The following HOXA2 variants were observed in gnomAD, a reference collection of about 807,000 sequenced individuals.
HOXA2 encodes the protein homeobox protein Hox-A2.
In HOXA2, 4 loss-of-function variants were observed where a neutral mutation model predicts 27.2. The ratio of observed to expected loss-of-function variants is 0.15; its 90% CI spans 0.07 to 0.34. HOXA2 has a LOEUF of 0.34. HOXA2 is among the 10% of genes least tolerant of loss of function. HOXA2 has a pLI of 1.00. For missense variants in HOXA2, 430 were observed against 473.2 expected (o/e 0.91, Z 0.85); for synonymous variants, 200 against 202.8 (o/e 0.99, Z 0.12).
Position 27,100,679 on chromosome 7 carries a change from G to A in HOXA2, c.*47C>T. ...AAATAAAAGAAGGCAAAACCACCTGGTCAAAGGAGTTTTTGTTTGGTGATG... is the reference window on the plus strand; with the variant it reads ...AAATAAAAGAAGGCAAAACCACCTGATCAAAGGAGTTTTTGTTTGGTGATG... On this transcript the variant is annotated 3_prime_UTR_variant, in exon 2 of 2. Transcript: ENST00000222718. 6.2e-7 allele frequency: 1 copy of A among 1,608,130 alleles called. No homozygotes were observed. The highest frequency in any genetic ancestry group is 8.5e-7 in the Non-Finnish European group (1 of 1,175,278).
chr7:27,100,652 C>A lies in HOXA2; in HGVS notation c.*74G>T. 2 of 1,530,208 alleles carry A rather than the reference C, an allele frequency of 1.3e-6. No homozygotes were observed. Among genetic ancestry groups the A allele is most frequent in the Non-Finnish European group, 9.0e-7 (1 of 1,108,836 alleles). 94.8% of individuals were successfully genotyped at this position (1,530,208 alleles called of 1,614,324 possible). A position where few individuals can be genotyped will look rare whatever the true frequency, so the allele number is the denominator to read the frequency against. ...CAAGAAGAAAATAAAAAATAAACTC[C>A]CAAATAAAAGAAGGCAAAACCACCT... On this transcript the variant is annotated 3_prime_UTR_variant, in exon 2 of 2. Coordinates refer to ENST00000222718, the MANE Select transcript of HOXA2 (RefSeq NM_006735.4).
In HOXA2 at chr7:27,102,308, G is replaced by T; in HGVS notation, c.193C>A (p.Pro65Thr). 1.9e-6 allele frequency: 3 copies of T among 1,612,272 alleles called. No individual in the cohort carries two copies. Among genetic ancestry groups the T allele is most frequent in the Non-Finnish European group, 2.5e-6 (3 of 1,179,066 alleles). ...GGGCGGCCGCCAGCGCCGTGGCGAG[G>T]GTGACTGCCGGGGTTCAGGCTGGGA... Reference protein sequence around the residue: ...TIPSLNPGSHPRHGAGGRPKP... With the variant: ...TIPSLNPGSHTRHGAGGRPKP... Residue 65 changes from proline (P) to threonine (T), a missense_variant, in exon 1 of 2, where the codon CCT (proline) becomes ACT (threonine). By Grantham distance (38) the Pro-to-Thr change is conservative (BLOSUM62 -1). This residue lies in a region of HOXA2 where 166 missense variants were observed against 207.6 expected (regional missense o/e 0.80). Coordinates refer to ENST00000222718, the MANE Select transcript of HOXA2 (RefSeq NM_006735.4). The surrounding 1 kb of genome is among the most constrained non-coding windows in gnomAD (Gnocchi z 4.6).
At chr7:27,101,586 C>T in intron 1 of HOXA2, 121 bp from the exon 2 acceptor site, 1 of 1,151,028 alleles carries the variant, frequency 8.7e-7, no homozygotes, top group Admixed American at 1.9e-5. Flanking sequence ...AATGGCCGCC[C>T]CTGGATGCAG....
At chr7:27,101,715 A>G (rs1783929051) in intron 1 of HOXA2, 2 of 656,426 alleles carry the variant, frequency 3.0e-6, no homozygotes, top group Non-Finnish European at 5.5e-6. Context: ...CAAACTTTAT[A>G]TTAGCCACAA....
chr7:27,101,680 TC>T, intron 1 of HOXA2: 1 of 668,264 alleles, frequency 1.5e-6, no homozygotes, highest in Non-Finnish European at 2.7e-6. Context: ...TGCCTGTGGC[TC>T]CCCCCAACCT....
At position 27,102,071 on chromosome 7, in the gene HOXA2, G is replaced by T; in HGVS notation, c.391+39C>A. 1 of 1,603,856 alleles carries T rather than the reference G, an allele frequency of 6.2e-7. No individual in the cohort carries two copies. ...CTCTCGGGGCAGCCCGGAGAAGGAAGAGGGTCCCAGAGACCTGGGGCCAAG... is the reference window on the plus strand; with the variant it reads ...CTCTCGGGGCAGCCCGGAGAAGGAATAGGGTCCCAGAGACCTGGGGCCAAG... On this transcript the variant is annotated intron_variant, in intron 1 of 1. Transcript: ENST00000222718. The surrounding 1 kb of genome is among the most constrained non-coding windows in gnomAD (Gnocchi z 4.6).
chr7:27,102,287 G>A lies in HOXA2; in HGVS notation c.214C>T (p.Arg72Cys). 1.3e-6 allele frequency: 2 copies of A among 1,597,474 alleles called. No individual in the cohort carries two copies. The highest frequency in any genetic ancestry group is 1.7e-5 in the Admixed American group (1 of 58,368). The change falls in exon 1 of 2, where the codon CGC (arginine) becomes TGC (cysteine). Residue 72 changes from arginine to cysteine, a missense_variant. Physicochemically the swap from Arg to Cys is radical, Grantham distance 180. Transcript: ENST00000222718. This position sits in a 1 kb window ranked among gnomAD's most constrained non-coding sequence, Gnocchi z 4.6. Reference sequence around the variant, plus strand: ...CTGCCCGCGGGGCTCGGCTTGGGGCGGCCGCCAGCGCCGTGGCGAGGGTGA... The same window carrying A: ...CTGCCCGCGGGGCTCGGCTTGGGGCAGCCGCCAGCGCCGTGGCGAGGGTGA... ...GSHPRHGAGG[R>C]PKPSPAGSRG...
rs116885108 is a variant in HOXA2, at chr7:27,101,167, C to G, written c.690G>C (p.Lys230Asn). ...SEKVEEDEEEKTLFEQALSVS... is the reference protein window; with the variant it reads ...SEKVEEDEEENTLFEQALSVS... ...CGCTAAGGGCTTGCTCAAAGAGCGT[C>G]TTCTCTTCCTCGTCCTCCTCTACTT... is the stretch of plus-strand genomic sequence containing the variant. Residue 230 changes from lysine (K) to asparagine (N), a missense_variant, in exon 2 of 2, where the codon AAG becomes AAC. Physicochemically the swap from Lys to Asn is moderately conservative, Grantham distance 94 (BLOSUM62 0). Transcript: ENST00000222718. The G allele has an allele frequency of 5.2e-5, 84 of 1,614,212 alleles. No homozygotes were observed. The highest frequency in any genetic ancestry group is 7.0e-5 in the Non-Finnish European group (83 of 1,180,028).
Position 27,100,689 on chromosome 7 carries a change from T to G in HOXA2, c.*37A>C. On this transcript the variant is annotated 3_prime_UTR_variant, in exon 2 of 2. Transcript: ENST00000222718. ...AGGCAAAACCACCTGGTCAAAGGAG[T>G]TTTTGTTTGGTGATGCTTTGTTTTG... 1 of 1,610,710 alleles carries G rather than the reference T, an allele frequency of 6.2e-7. No individual in the cohort carries two copies. Among genetic ancestry groups the G allele is most frequent in the Non-Finnish European group, 8.5e-7 (1 of 1,178,392 alleles).
chr7:27,102,361 A>G lies in HOXA2; in HGVS notation c.140T>C (p.Leu47Pro). Reference protein sequence around the residue: ...IKTSTLSHSTLIPPPFEQTIP... With the variant: ...IKTSTLSHSTPIPPPFEQTIP... ...GGTCTGCTCAAAAGGAGGAGGAATC[A>G]GTGTCGAGTGTGAAAGCGTCGAGGT... Residue 47 changes from leucine to proline, a missense_variant, in exon 1 of 2, where the codon CTG becomes CCG. By Grantham distance (98) the Leu-to-Pro change is moderately conservative (BLOSUM62 -3). Coordinates refer to ENST00000222718, the MANE Select transcript of HOXA2 (RefSeq NM_006735.4). The surrounding 1 kb of genome is among the most constrained non-coding windows in gnomAD (Gnocchi z 4.6). The G allele has an allele frequency of 6.2e-7, 1 of 1,613,998 alleles. No homozygotes were observed. Among genetic ancestry groups the G allele is most frequent in the Non-Finnish European group, 8.5e-7 (1 of 1,179,944 alleles).
Position 27,101,448 on chromosome 7 carries a change from C to G in HOXA2, c.409G>C (p.Asp137His), listed in dbSNP as rs1280449297. The G allele has an allele frequency of 1.2e-6, 2 of 1,600,300 alleles. No individual in the cohort carries two copies. The highest frequency in any genetic ancestry group is 1.7e-5 in the Admixed American group (1 of 60,008). ...CGCCGCGATCCCCCGCCGCTGCCAT[C>G]GGCGATTTCCAGGGATTCTGCGGAA... ...LSHKESLEIA[D>H]GSGGGSRRLR... The change falls in exon 2 of 2, where the codon GAT becomes CAT. Residue 137 changes from aspartate to histidine, a missense_variant. Coordinates refer to ENST00000222718, the MANE Select transcript of HOXA2 (RefSeq NM_006735.4).
chr7:27,101,296 C>A lies in HOXA2; in HGVS notation c.561G>T (p.Val187=). Residue 187 remains valine (V), a synonymous_variant, in exon 2 of 2, where the codon GTG becomes GTT. Transcript: ENST00000222718. ...AALLDLTERQ[V]KVWFQNRRMK... The stretch of plus-strand genomic sequence containing the variant: ...TCCTCCGGTTCTGAAACCACACTTT[C>A]ACTTGTCTCTCAGTCAAATCCAGCA... 1 of 1,614,236 alleles carries A rather than the reference C, an allele frequency of 6.2e-7. No homozygotes were observed. The highest frequency in any genetic ancestry group is 8.5e-7 in the Non-Finnish European group (1 of 1,180,048).
chr7:27,102,308 G>C lies in HOXA2; in HGVS notation c.193C>G (p.Pro65Ala), dbSNP rs555246646. 1.2e-4 allele frequency: 187 copies of C among 1,612,272 alleles called. 4 individuals are homozygous for C. In the South Asian group the frequency reaches 1.9e-3, roughly 16 times the overall value. Residue 65 changes from proline (P) to alanine (A), a missense_variant, in exon 1 of 2, where the codon CCT becomes GCT. Pro to Ala is a conservative substitution (Grantham distance 27). Transcript: ENST00000222718. The surrounding 1 kb of genome is among the most constrained non-coding windows in gnomAD (Gnocchi z 4.6). The part of the protein sequence containing the change: ...TIPSLNPGSH[P>A]RHGAGGRPKP... ...GGGCGGCCGCCAGCGCCGTGGCGAG[G>C]GTGACTGCCGGGGTTCAGGCTGGGA...
At position 27,102,638 on chromosome 7, in the gene HOXA2, T is replaced by G; in HGVS notation, c.-138A>C. The G allele has an allele frequency of 1.3e-6, 1 of 784,084 alleles. No individual in the cohort carries two copies. Among genetic ancestry groups the G allele is most frequent in the East Asian group, 2.7e-5 (1 of 37,342 alleles). 48.6% of individuals were successfully genotyped at this position (784,084 alleles called of 1,614,324 possible). On this transcript the variant is annotated 5_prime_UTR_variant, in exon 1 of 2. Coordinates refer to ENST00000222718, the MANE Select transcript of HOXA2 (RefSeq NM_006735.4). The surrounding 1 kb of genome is among the most constrained non-coding windows in gnomAD (Gnocchi z 4.6). ...TATCGCTGCTAGGGTGTTTTTTTTC[T>G]AATTCACTGATTACAGCCGTATGGG... is the stretch of plus-strand genomic sequence containing the variant.
chr7:27,102,124 C>A lies in HOXA2; in HGVS notation c.377G>T (p.Cys126Phe). ...TTTGGACTGACCTTTGTGGCTGAGGCAAGCAGGGCCGGTGGCTGCGGCGGT... is the reference window on the plus strand; with the variant it reads ...TTTGGACTGACCTTTGTGGCTGAGGAAAGCAGGGCCGGTGGCTGCGGCGGT... ...AATAAATGPA[C>F]LSHKESLEIA... The change falls in exon 1 of 2, where the codon TGC becomes TTC. Residue 126 changes from cysteine to phenylalanine, a missense_variant. Around this residue, in one of 4 missense-constraint regions of HOXA2, gnomAD observed 166 missense variants for 207.6 expected, o/e 0.80. Transcript: ENST00000222718. This position sits in a 1 kb window ranked among gnomAD's most constrained non-coding sequence, Gnocchi z 4.6. 1 of 1,603,630 alleles carries A rather than the reference C, an allele frequency of 6.2e-7. No individual in the cohort carries two copies. The highest frequency in any genetic ancestry group is 8.5e-7 in the Non-Finnish European group (1 of 1,175,876).
Position 27,101,001 on chromosome 7 carries a change from G to A in HOXA2, c.856C>T (p.His286Tyr), listed in dbSNP as rs1783916027. The A allele has an allele frequency of 3.1e-6, 5 of 1,614,086 alleles. No homozygotes were observed. Among genetic ancestry groups the A allele is most frequent in the Non-Finnish European group, 4.2e-6 (5 of 1,180,044 alleles). Residue 286 changes from histidine to tyrosine, a missense_variant, in exon 2 of 2, where the codon CAT becomes TAT. Transcript: ENST00000222718. ...ACAGTGGGTGACTGGTGCTGAAAAT[G>A]TTTCAGATTTTTCTCATTGCTGGTT... Reference protein sequence around the residue: ...PLTSNEKNLKHFQHQSPTVPN... With the variant: ...PLTSNEKNLKYFQHQSPTVPN...
rs191710586 is a variant in HOXA2 at position 27,102,557 on chromosome 7, G to C, written c.-57C>G. 3.4e-5 allele frequency: 53 copies of C among 1,558,802 alleles called. No individual in the cohort carries two copies. Among genetic ancestry groups the C allele is most frequent in the East Asian group, 1.3e-4 (6 of 44,578 alleles). On this transcript the variant is annotated 5_prime_UTR_variant, in exon 1 of 2. Transcript: ENST00000222718. This position sits in a 1 kb window ranked among gnomAD's most constrained non-coding sequence, Gnocchi z 4.6. ...AGTTCCCTCTTTTGGAGGGGCTTTG[G>C]GGGGGCAAGGCCTAGGAAAAAGGCG... is the stretch of plus-strand genomic sequence containing the variant.
intron 1 of HOXA2, chr7:27,101,769 C>G (rs1462709709): frequency 1.5e-6 from 1 of 676,924 alleles, no homozygotes; most frequent in South Asian, 1.5e-5. Flanking sequence ...TGAGCAAGAG[C>G]GATCTATCAC....
At chr7:27,101,559 A>G in intron 1 of HOXA2, 94 bp from the exon 2 acceptor site, 1 of 1,424,094 alleles carries the variant, frequency 7.0e-7, no homozygotes, top group Non-Finnish European at 9.7e-7. Context: ...TATAGCAGAA[A>G]AGATCAACTG....
Sources: allele counts gnomAD v4.1 joint callset, GRCh38; gene constraint gnomAD v4.1.1; regional missense constraint gnomAD v4.1.1; non-coding constraint Gnocchi (gnomAD v3.1); transcripts MANE v1.5; gene names NCBI Gene and HGNC (gene_info 2026-07-23, HGNC 2026-07-21).